Variants in MYO3B observed in about 807,000 individuals in gnomAD.
MYO3B encodes the protein myosin-IIIb.
Under a neutral mutation model 174.6 loss-of-function variants are expected in MYO3B, and 156 were observed. The observed-to-expected ratio is 0.89, with a 90% confidence interval of 0.78 to 1.02. MYO3B has a LOEUF of 1.02. Among genes scored for constraint, MYO3B ranks in the 50% least tolerant of loss-of-function variants. The pLI is 0.00. For synonymous variants in MYO3B, 563 were observed against 569.1 expected (o/e 0.99, Z 0.15); for missense variants, 1,632 against 1,639.4 (o/e 1.00, Z 0.08).
chr2:170,180,374 C>A (rs1342438355), intron 1 of MYO3B, among the ~76,000 whole-genome samples: 1 of 152,140 alleles, frequency 6.6e-6, no homozygotes, highest in Non-Finnish European at 1.5e-5. Context: ...GCTTAGCAGG[C>A]CTCAGAGGGC....
At chr2:170,614,098 T>A (rs1040681190) in intron 32 of MYO3B, among the ~76,000 whole-genome samples, 1 of 151,954 alleles carries the variant, frequency 6.6e-6, no homozygotes, top group African/African-American at 2.4e-5. Flanking sequence ...CTCTCCCACC[T>A]CCCCTACCCC....
At chr2:170,447,227 A>T (rs755665926) in intron 23 of MYO3B, among the ~76,000 whole-genome samples, 2 of 152,176 alleles carry the variant, frequency 1.3e-5, no homozygotes, top group East Asian at 3.9e-4. Flanking sequence ...ATCAGCTCCA[A>T]CACATGGAGC....
At chr2:170,558,016 C>A (rs1285240192) in intron 32 of MYO3B, among the ~76,000 whole-genome samples, 1 of 151,938 alleles carries the variant, frequency 6.6e-6, no homozygotes, top group Non-Finnish European at 1.5e-5. Flanking sequence ...ATTCTTAAAA[C>A]GGAGGCCAGA....
chr2:170,635,037 T>G (rs1287831067), intron 32 of MYO3B, among the ~76,000 whole-genome samples: 1 of 152,176 alleles, frequency 6.6e-6, no homozygotes, highest in African/African-American at 2.4e-5. Flanking sequence ...GTTCAACCAT[T>G]GTGGAAGACA....
intron 7 of MYO3B, among the ~76,000 whole-genome samples, chr2:170,328,641 A>C (rs568448916): frequency 3.5e-4 from 53 of 152,310 alleles, no homozygotes; most frequent in African/African-American, 1.2e-3. Context: ...AAGCCATTTC[A>C]GCCTTCTTTC....
At chr2:170,442,825 C>T (rs889414140) in intron 22 of MYO3B, among the ~76,000 whole-genome samples, 1 of 152,192 alleles carries the variant, frequency 6.6e-6, no homozygotes, top group Non-Finnish European at 1.5e-5. Flanking sequence ...CTACAAAGGA[C>T]ATGAACTCAT....
chr2:170,296,909 T>A (rs1277980005), intron 7 of MYO3B, among the ~76,000 whole-genome samples: 1 of 152,058 alleles, frequency 6.6e-6, no homozygotes, highest in African/African-American at 2.4e-5. Context: ...CACATGTCAT[T>A]AGAACTTACT....
At chr2:170,344,461 G>A (rs1407417831) in intron 8 of MYO3B, 3 of 114,760 alleles carry the variant, frequency 2.6e-5, no homozygotes, top group Non-Finnish European at 5.0e-5. Flanking sequence ...GAAAGACCCC[G>A]TCTCGGTTGG....
At chr2:170,440,798 GTTTTT>G in intron 22 of MYO3B, among the ~76,000 whole-genome samples, 1 of 99,116 alleles carries the variant, frequency 1.0e-5, no homozygotes, top group South Asian at 3.9e-4. Flanking sequence ...TTGGGTGTTG[GTTTTT>G]TTTTTTTTTT....
In MYO3B at chr2:170,551,349, ATTATTTATTTAT is replaced by A. The variant is rs57845643; in HGVS notation, c.3733+7388_3733+7399del. On this transcript the variant is annotated intron_variant, in intron 32 of 34. Transcript: ENST00000408978. ...TATATATTTAATTTAATTTAATTTA[ATTATTTATTTAT>A]TTATTTATTTATTTATTTATTTATT... Among the ~76,000 whole-genome samples the A allele has an allele frequency of 0.024, 3,389 of 142,276 alleles. 515 individuals are homozygous for A. The East Asian group carries it at 0.44, about 18-fold the overall frequency. 93.3% of individuals were successfully genotyped at this position (142,276 alleles called of 152,430 possible).
intron 30 of MYO3B, among the ~76,000 whole-genome samples, chr2:170,534,122 C>T (rs1030114114): frequency 2.0e-5 from 3 of 152,160 alleles, no homozygotes; most frequent in Non-Finnish European, 2.9e-5. Context: ...GTGTTTTTTA[C>T]GAACTGAAGG....
chr2:170,581,965 G>T (rs1447169801), intron 32 of MYO3B, among the ~76,000 whole-genome samples: 1 of 152,148 alleles, frequency 6.6e-6, no homozygotes, highest in Non-Finnish European at 1.5e-5. Context: ...ACCCCCAAAA[G>T]TTGAGGATCA....
rs796071560 is a variant in MYO3B, at chr2:170,615,642, A to T, written c.3734-35986A>T. Among the ~76,000 whole-genome samples the T allele has an allele frequency of 3.5e-4, 54 of 152,346 alleles. 1 individual carries two copies. The highest frequency in any genetic ancestry group is 1.2e-3 in the African/African-American group (50 of 41,576). ...TATATCACAGTTTCTGTGGGTCAGG[A>T]ATCTGGACGCAGATTAGTATTGCAG... On this transcript the variant is annotated intron_variant, in intron 32 of 34. Coordinates refer to ENST00000408978, the MANE Select transcript of MYO3B (RefSeq NM_138995.5).
At chr2:170,468,643 A>G (rs1263611072) in intron 25 of MYO3B, among the ~76,000 whole-genome samples, 3 of 152,184 alleles carry the variant, frequency 2.0e-5, no homozygotes, top group African/African-American at 7.2e-5. Flanking sequence ...CCTCTCATCA[A>G]TAGGGCCAGG....
rs139941866 is a variant in MYO3B at position 170,638,775 on chromosome 2, A to G, written c.3734-12853A>G. On this transcript the variant is annotated intron_variant, in intron 32 of 34. Transcript: ENST00000408978. ...AGAACATGTGTAATTTGCCACACCAATGTTCTCCATTAAAAATTACTACCT... is the reference window on the plus strand; with the variant it reads ...AGAACATGTGTAATTTGCCACACCAGTGTTCTCCATTAAAAATTACTACCT... Among the ~76,000 whole-genome samples, 5 of 152,302 alleles carry G rather than the reference A, an allele frequency of 3.3e-5. No homozygotes were observed. The East Asian group carries it at 5.8e-4, about 18-fold the overall frequency.
chr2:170,416,483 G>A (rs148669507), intron 22 of MYO3B, among the ~76,000 whole-genome samples: 3,806 of 142,462 alleles, frequency 0.027, 88 homozygotes, highest in Non-Finnish European at 0.04. Flanking sequence ...AGATTGTGCC[G>A]TTGCACTCCA....
At chr2:170,215,988 G>A (rs4668222) in intron 5 of MYO3B, among the ~76,000 whole-genome samples, 140,835 of 152,274 alleles carry the variant, frequency 0.92, 65,153 homozygotes, top group East Asian at 1. Flanking sequence ...GCTGCAAAAG[G>A]AATGTCTAGA....
chr2:170,571,764 G>A (rs1235919535), intron 32 of MYO3B, among the ~76,000 whole-genome samples: 1 of 152,038 alleles, frequency 6.6e-6, no homozygotes, highest in Non-Finnish European at 1.5e-5. Context: ...ACTGATATAT[G>A]GTGGGGAGTA....
intron 8 of MYO3B, among the ~76,000 whole-genome samples, chr2:170,362,330 A>G (rs1294842354): frequency 6.6e-6 from 1 of 151,888 alleles, no homozygotes; most frequent in South Asian, 2.1e-4. Flanking sequence ...TTCCCTTTCC[A>G]TTTCCGTCCT....
Sources: gnomAD v4.1 joint callset for allele counts (sites outside exome capture counted in the v4.1 genomes callset) on GRCh38, gnomAD v4.1.1 for gene constraint, MANE v1.5 for transcripts, NCBI Gene and HGNC (gene_info 2026-07-23, HGNC 2026-07-21) for gene names.